Variants in SLC4A10 observed in about 807,000 individuals in gnomAD.
SLC4A10 encodes the protein sodium-driven chloride bicarbonate exchanger.
SLC4A10 carries 42 observed loss-of-function variants against 137.7 expected under a neutral mutation model. That is an observed-to-expected ratio of 0.30 (90% CI 0.24 to 0.39). The LOEUF is 0.39. SLC4A10 is among the 10% of genes least tolerant of loss of function. The probability of loss-of-function intolerance (pLI) is 1.00; values close to 1 mark genes in which losing one functional copy is unlikely to be tolerated. For missense variants in SLC4A10, 925 were observed against 1,355.0 expected, an observed-to-expected ratio of 0.68 and a Z score of 4.98; for synonymous variants, 474 against 464.1, an observed-to-expected ratio of 1.02 and a Z score of -0.27.
chr2:161,640,929 G>C (rs1215692349), intron 1 of SLC4A10, among the ~76,000 whole-genome samples: 1 of 152,034 alleles, frequency 6.6e-6, no homozygotes, highest in Non-Finnish European at 1.5e-5. Flanking sequence ...TGGGTAACAA[G>C]GTATTACTGA....
chr2:161,917,716 T>C (rs1441434201), intron 15 of SLC4A10, among the ~76,000 whole-genome samples: 2 of 152,158 alleles, frequency 1.3e-5, no homozygotes, highest in East Asian at 3.8e-4. Context: ...ATTGTGCTGG[T>C]GTGTAGCGGT....
intron 1 of SLC4A10, among the ~76,000 whole-genome samples, chr2:161,669,055 C>T (rs894880469): frequency 2.0e-5 from 3 of 151,878 alleles, no homozygotes; most frequent in Non-Finnish European, 4.4e-5. Flanking sequence ...TGAAGCTTGC[C>T]TTCTGTCAGT....
intron 26 of SLC4A10, among the ~76,000 whole-genome samples, chr2:161,978,644 G>A (rs1559677874): frequency 6.6e-6 from 1 of 152,078 alleles, no homozygotes; most frequent in South Asian, 2.1e-4. Context: ...TAAACAAGAC[G>A]AGACAAACAG....
At chr2:161,830,838 A>G (rs774955019) in intron 3 of SLC4A10, among the ~76,000 whole-genome samples, 3 of 152,158 alleles carry the variant, frequency 2.0e-5, no homozygotes, top group Non-Finnish European at 4.4e-5. Context: ...TTGCACAATT[A>G]ATTATTAGTT....
chr2:161,763,384 G>C (rs779983282), intron 1 of SLC4A10, among the ~76,000 whole-genome samples: 4 of 152,050 alleles, frequency 2.6e-5, no homozygotes, highest in African/African-American at 4.8e-5. Context: ...CACTCAAAAG[G>C]GGTGATAAAG....
chr2:161,837,135 A>G (rs555614810), intron 3 of SLC4A10, among the ~76,000 whole-genome samples: 4 of 152,302 alleles, frequency 2.6e-5, no homozygotes, highest in Admixed American at 2.6e-4. Context: ...ATAAATAAAT[A>G]GAGAAAGAGC....
At chr2:161,903,298 A>G (rs1683540659) in intron 12 of SLC4A10, among the ~76,000 whole-genome samples, 1 of 152,182 alleles carries the variant, frequency 6.6e-6, no homozygotes, top group Non-Finnish European at 1.5e-5. Flanking sequence ...ATGCTGGGAT[A>G]TGTTAACGCA....
chr2:161,719,622 T>C (rs1338650377), intron 1 of SLC4A10, among the ~76,000 whole-genome samples: 1 of 152,232 alleles, frequency 6.6e-6, no homozygotes, highest in Non-Finnish European at 1.5e-5. Flanking sequence ...TATCTCATTG[T>C]GGTTTTGATT....
Position 161,839,891 on chromosome 2 carries a change from G to A in SLC4A10, c.380G>A (p.Arg127His), listed in dbSNP as rs201440727. Residue 127 changes from arginine to histidine, a missense_variant, in exon 4 of 27, where the codon CGT (arginine) becomes CAT (histidine). By Grantham distance (29) the Arg-to-His change is conservative. Transcript: ENST00000446997. ...LFTELDEICW[R>H]EGEDAEWRET... The stretch of plus-strand genomic sequence containing the variant: ...ACAGAACTGGATGAGATTTGTTGGC[G>A]TGAAGGTGAGGACGCTGAGTGGCGA... 5.1e-5 allele frequency: 83 copies of A among 1,613,792 alleles called. No homozygotes were observed. The highest frequency in any genetic ancestry group is 1.6e-4 in the Middle Eastern group (1 of 6,084).
intron 1 of SLC4A10, among the ~76,000 whole-genome samples, chr2:161,677,616 A>G (rs574758884): frequency 6.6e-5 from 10 of 152,292 alleles, no homozygotes; most frequent in African/African-American, 2.2e-4. Flanking sequence ...AAATTTTTGG[A>G]CAAGTAGTGG....
At chr2:161,978,547 T>C (rs1273339188) in intron 26 of SLC4A10, among the ~76,000 whole-genome samples, 4 of 152,158 alleles carry the variant, frequency 2.6e-5, no homozygotes, top group East Asian at 1.9e-4. Flanking sequence ...GAGGCTACAT[T>C]AGACTTAGAG....
At chr2:161,810,771 T>C (rs1024278000) in intron 3 of SLC4A10, among the ~76,000 whole-genome samples, 2 of 152,074 alleles carry the variant, frequency 1.3e-5, no homozygotes, top group South Asian at 4.1e-4. Context: ...AGTTTGCTAG[T>C]ATTTTGTTGA....
chr2:161,882,318 A>G (rs2061858801), intron 9 of SLC4A10, 39 bp from the exon 10 acceptor site: 1 of 1,276,522 alleles, frequency 7.8e-7, no homozygotes, highest in South Asian at 1.4e-5. Context: ...TTATTTTTAT[A>G]TTTCTACCTT....
chr2:161,919,482 C>T (rs1382528708), intron 15 of SLC4A10, among the ~76,000 whole-genome samples: 2 of 152,090 alleles, frequency 1.3e-5, no homozygotes, highest in Admixed American at 6.5e-5. Flanking sequence ...CCCATAAAAA[C>T]CCCAGACTCA....
chr2:161,828,782 A>ATATATATATG (rs2058207971), intron 3 of SLC4A10, among the ~76,000 whole-genome samples: 1 of 99,100 alleles, frequency 1.0e-5, no homozygotes, highest in African/African-American at 3.8e-5. Flanking sequence ...ATATATATAT[A>ATATATATATG]TATATATATA....
chr2:161,934,955 A>G (rs1691306450), intron 15 of SLC4A10, among the ~76,000 whole-genome samples: 1 of 152,050 alleles, frequency 6.6e-6, no homozygotes, highest in Admixed American at 6.6e-5. Context: ...TCATTTGTCT[A>G]TCTTTGCTTT....
intron 10 of SLC4A10, 77 bp downstream of exon 10, chr2:161,882,521 C>G: frequency 1.2e-6 from 1 of 834,822 alleles, no homozygotes; most frequent in Non-Finnish European, 1.8e-6. Context: ...CTTTTCATGA[C>G]AGTTTGTTGT....
intron 23 of SLC4A10, among the ~76,000 whole-genome samples, chr2:161,972,465 G>A (rs1055131269): frequency 1.3e-5 from 2 of 152,138 alleles, no homozygotes; most frequent in African/African-American, 4.8e-5. Context: ...GCTTGAATGA[G>A]TAATTTCAAA....
At chr2:161,945,068 T>TA (rs915151108) in intron 16 of SLC4A10, among the ~76,000 whole-genome samples, 14 of 150,570 alleles carry the variant, frequency 9.3e-5, no homozygotes, top group Non-Finnish European at 1.8e-4. Context: ...CAAACTGCTC[T>TA]ATGCATAGTA....
Sources: allele counts gnomAD v4.1 joint callset (sites outside exome capture counted in the v4.1 genomes callset), GRCh38; gene constraint gnomAD v4.1.1; transcripts MANE v1.5; gene names NCBI Gene and HGNC (gene_info 2026-07-23, HGNC 2026-07-21).